The following LINGO2 variants were observed in gnomAD, a reference collection of about 807,000 sequenced individuals.
LINGO2 encodes leucine-rich repeat and immunoglobulin-like domain-containing nogo receptor-interacting protein 2.
Under a neutral mutation model 30.6 loss-of-function variants are expected in LINGO2, and 14 were observed. The ratio of observed to expected loss-of-function variants is 0.46; its 90% CI spans 0.30 to 0.72. The LOEUF (loss-of-function observed/expected upper bound fraction) is 0.72, where lower values mean the gene tolerates loss of function less well. Among genes scored for constraint, LINGO2 ranks in the 30% least tolerant of loss-of-function variants. The probability of loss-of-function intolerance (pLI) is 0.07; values close to 1 mark genes in which losing one functional copy is unlikely to be tolerated. For synonymous variants in LINGO2, 317 were observed against 288.5 expected (o/e 1.10, Z -1.00); for missense variants, 729 against 751.7 (o/e 0.97, Z 0.35).
the LINGO2 span, among the ~76,000 whole-genome samples, chr9:28,724,487 C>T: frequency 1.3e-5 from 2 of 152,282 alleles, no homozygotes; most frequent in South Asian, 4.1e-4. Flanking sequence ...CTGAACTGTA[C>T]AGCTAATGCA....
chr9:28,545,623 A>G (rs1425314101), intron 1 of LINGO2, among the ~76,000 whole-genome samples: 2 of 152,056 alleles, frequency 1.3e-5, no homozygotes, highest in South Asian at 4.1e-4. Flanking sequence ...TAGGGAGGGC[A>G]GACTTGGTAG....
chr9:28,983,138 G>A, the LINGO2 span, among the ~76,000 whole-genome samples: 2 of 151,740 alleles, frequency 1.3e-5, no homozygotes, highest in South Asian at 4.2e-4. Context: ...GCCATGTCTG[G>A]GCCACAGCCT....
chr9:28,798,629 T>A, the LINGO2 span, among the ~76,000 whole-genome samples: 1 of 152,136 alleles, frequency 6.6e-6, no homozygotes, highest in Non-Finnish European at 1.5e-5. Context: ...TGGATTCACT[T>A]GAGGTTGATG....
the LINGO2 span, among the ~76,000 whole-genome samples, chr9:28,840,534 T>A: frequency 6.6e-6 from 1 of 151,866 alleles, no homozygotes; most frequent in Admixed American, 6.5e-5. Flanking sequence ...TCCAATCCAT[T>A]CTTTTATTCA....
chr9:28,990,349 G>A, the LINGO2 span, among the ~76,000 whole-genome samples: 1,027 of 152,288 alleles, frequency 6.7e-3, 17 homozygotes, highest in African/African-American at 0.023. Context: ...CAAAGCAGCT[G>A]GGAAGCTCGA....
chr9:28,286,997 G>T (rs1039122682), intron 4 of LINGO2, among the ~76,000 whole-genome samples: 2 of 152,132 alleles, frequency 1.3e-5, no homozygotes, highest in African/African-American at 2.4e-5. Flanking sequence ...GTTAGCACAG[G>T]TTTAGATATT....
chr9:28,522,678 A>T (rs1820869839), intron 1 of LINGO2, among the ~76,000 whole-genome samples: 1 of 152,240 alleles, frequency 6.6e-6, no homozygotes, highest in African/African-American at 2.4e-5. Flanking sequence ...AGAATAAGTA[A>T]TGTGGGAAAG....
chr9:28,622,612 G>A (rs1237553771), intron 1 of LINGO2, among the ~76,000 whole-genome samples: 1 of 151,980 alleles, frequency 6.6e-6, no homozygotes, highest in African/African-American at 2.4e-5. Context: ...GGACACTTAG[G>A]TTGCTTCCAA....
At chr9:28,777,090 T>C in the LINGO2 span, among the ~76,000 whole-genome samples, 107 of 152,152 alleles carry the variant, frequency 7.0e-4, 1 homozygote, top group South Asian at 0.017. Context: ...CCCCTCCCCT[T>C]CCGCCATGAT....
At chr9:28,000,712 G>A (rs977607088) in intron 5 of LINGO2, among the ~76,000 whole-genome samples, 1 of 152,144 alleles carries the variant, frequency 6.6e-6, no homozygotes. Flanking sequence ...TTTTAAAAGT[G>A]GGGGCACTAC....
the LINGO2 span, among the ~76,000 whole-genome samples, chr9:28,839,531 G>C: frequency 6.6e-6 from 1 of 152,040 alleles, no homozygotes; most frequent in African/African-American, 2.4e-5. Flanking sequence ...TAGGCAGGTC[G>C]TCCCCACATC....
the LINGO2 span, among the ~76,000 whole-genome samples, chr9:29,112,220 T>TA: frequency 1.8e-4 from 26 of 141,154 alleles, no homozygotes; most frequent in African/African-American, 6.7e-4. Context: ...CTCAGAGCAA[T>TA]TAAGAAGCTT....
At chr9:28,841,904 G>T in the LINGO2 span, among the ~76,000 whole-genome samples, 346 of 151,816 alleles carry the variant, frequency 2.3e-3, 9 homozygotes, top group African/African-American at 8.0e-3. Context: ...AATAAAAACC[G>T]CCTTCCTCAT....
chr9:29,176,675 A>G, the LINGO2 span, among the ~76,000 whole-genome samples: 1 of 152,212 alleles, frequency 6.6e-6, no homozygotes, highest in Non-Finnish European at 1.5e-5. Flanking sequence ...AAATATAATA[A>G]TTTGTTTGTA....
the LINGO2 span, among the ~76,000 whole-genome samples, chr9:29,098,722 T>C: frequency 6.6e-6 from 1 of 152,118 alleles, no homozygotes; most frequent in African/African-American, 2.4e-5. Context: ...GTACTTTATA[T>C]TTGGGGAAAT....
chr9:28,570,200 T>C lies in LINGO2; in HGVS notation c.-364-94175A>G, dbSNP rs553733665. On this transcript the variant is annotated intron_variant, in intron 1 of 5. Coordinates refer to ENST00000379992, the Ensembl canonical transcript of LINGO2. ...ACATAATGATAGATACAATGTCATA[T>C]AATAATTGACATTACTTACTTACCA... Among the ~76,000 whole-genome samples the C allele has an allele frequency of 4.6e-5, 7 of 152,100 alleles. No individual in the cohort carries two copies. In the East Asian group the frequency reaches 1.3e-3, roughly 29 times the overall value.
chr9:28,598,436 AAAAC>A (rs1554643696), intron 1 of LINGO2, among the ~76,000 whole-genome samples: 7 of 127,974 alleles, frequency 5.5e-5, no homozygotes, highest in East Asian at 2.0e-4. Context: ...AAAAAAAAAC[AAAAC>A]AAACAAACAA....
At chr9:28,583,400 T>G (rs2135666657) in intron 1 of LINGO2, among the ~76,000 whole-genome samples, 1 of 152,082 alleles carries the variant, frequency 6.6e-6, no homozygotes, top group Non-Finnish European at 1.5e-5. Context: ...AATCTAAATG[T>G]CTCATCTTTT....
chr9:28,463,209 C>G (rs747341391), intron 2 of LINGO2, among the ~76,000 whole-genome samples: 7 of 151,824 alleles, frequency 4.6e-5, no homozygotes, highest in Non-Finnish European at 1.0e-4. Flanking sequence ...AGATATGTAA[C>G]ATCACGTATT....
Sources: allele counts gnomAD v4.1 joint callset (sites outside exome capture counted in the v4.1 genomes callset), GRCh38; gene constraint gnomAD v4.1.1; transcripts MANE v1.5; gene names NCBI Gene and HGNC (gene_info 2026-07-23, HGNC 2026-07-21).